Variants in BRINP3 observed in about 807,000 individuals in gnomAD.
BRINP3 encodes the protein BMP/retinoic acid inducible neural specific 3, also known as BMP/retinoic acid-inducible neural-specific protein 3.
In BRINP3, 19 loss-of-function variants were observed where a neutral mutation model predicts 71.0. That is an observed-to-expected ratio of 0.27 (90% CI 0.19 to 0.39). BRINP3 has a LOEUF of 0.39. Among genes scored for constraint, BRINP3 ranks in the 10% least tolerant of loss-of-function variants. The pLI is 1.00. For synonymous variants in BRINP3, 380 were observed against 337.7 expected (o/e 1.13, Z -1.37); for missense variants, 959 against 940.8 (o/e 1.02, Z -0.25).
chr1:190,421,692 C>A (rs1173095919), intron 2 of BRINP3, among the ~76,000 whole-genome samples: 1 of 151,782 alleles, frequency 6.6e-6, no homozygotes, highest in Non-Finnish European at 1.5e-5. Context: ...TGAATCCAGG[C>A]ACCACCACTC....
intron 3 of BRINP3, among the ~76,000 whole-genome samples, chr1:190,273,495 T>G (rs1662290676): frequency 6.6e-6 from 1 of 151,570 alleles, no homozygotes; most frequent in African/African-American, 2.4e-5. Context: ...AACTAAAATT[T>G]TGTGGTGGTT....
intron 6 of BRINP3, among the ~76,000 whole-genome samples, chr1:190,219,765 G>A (rs1017876949): frequency 9.9e-5 from 15 of 151,884 alleles, no homozygotes; most frequent in Non-Finnish European, 1.9e-4. Flanking sequence ...TTGAACCTGG[G>A]AGGTGGAGGT....
chr1:190,111,017 T>C (rs1652622081), intron 7 of BRINP3, among the ~76,000 whole-genome samples: 1 of 151,370 alleles, frequency 6.6e-6, no homozygotes, highest in South Asian at 2.1e-4. Context: ...CTACTAAAAA[T>C]ACAAAAAGAA....
intron 2 of BRINP3, among the ~76,000 whole-genome samples, chr1:190,299,838 G>C (rs1420589442): frequency 1.3e-5 from 2 of 151,856 alleles, no homozygotes; most frequent in Non-Finnish European, 2.9e-5. Flanking sequence ...ATGAAATTCT[G>C]GGTTGAAAAT....
chr1:190,282,998 G>A (rs187202609), intron 2 of BRINP3, among the ~76,000 whole-genome samples: 288 of 152,048 alleles, frequency 1.9e-3, no homozygotes, highest in African/African-American at 6.7e-3. Context: ...GCAGAATAAT[G>A]AGGAACAGTG....
intron 5 of BRINP3, among the ~76,000 whole-genome samples, chr1:190,228,217 T>TC (rs1406066460): frequency 6.6e-6 from 1 of 152,004 alleles, no homozygotes; most frequent in Admixed American, 6.6e-5. Context: ...CTAGTGATTT[T>TC]TTTTTTTCTG....
In BRINP3 at chr1:190,321,793, T is replaced by G. The variant is rs573098270; in HGVS notation, c.237-40043A>C. On this transcript the variant is annotated intron_variant, in intron 2 of 7. Transcript: ENST00000367462. ...TCTGAAGTTGATAGAACAGGTAATA[T>G]TTAAATATAGTTGGTTTTTACCTTG... Among the ~76,000 whole-genome samples, 2 of 152,060 alleles carry G rather than the reference T, an allele frequency of 1.3e-5. 1 individual carries two copies. Among genetic ancestry groups the G allele is most frequent in the Admixed American group, 1.3e-4 (2 of 15,222 alleles).
chr1:190,409,403 C>T (rs1350919995), intron 2 of BRINP3, among the ~76,000 whole-genome samples: 1 of 152,112 alleles, frequency 6.6e-6, no homozygotes, highest in Non-Finnish European at 1.5e-5. Flanking sequence ...AAAAAAGAAT[C>T]TCATTGTCTT....
chr1:190,426,674 T>C (rs995375222), intron 2 of BRINP3, among the ~76,000 whole-genome samples: 1 of 152,018 alleles, frequency 6.6e-6, no homozygotes, highest in Non-Finnish European at 1.5e-5. Flanking sequence ...ATTATTACAA[T>C]TTAAATATTT....
intron 5 of BRINP3, among the ~76,000 whole-genome samples, chr1:190,229,134 G>A (rs1235525386): frequency 6.6e-6 from 1 of 152,012 alleles, no homozygotes; most frequent in Non-Finnish European, 1.5e-5. Context: ...TAATCCTACA[G>A]GCAGAGTGAG....
intron 1 of BRINP3, among the ~76,000 whole-genome samples, chr1:190,462,498 G>T (rs745890055): frequency 1.4e-4 from 21 of 152,224 alleles, no homozygotes; most frequent in African/African-American, 4.8e-4. Flanking sequence ...GAATTGAATA[G>T]CCTGTTCCTC....
intron 2 of BRINP3, among the ~76,000 whole-genome samples, chr1:190,359,478 T>G (rs2102107956): frequency 6.6e-6 from 1 of 152,194 alleles, no homozygotes; most frequent in South Asian, 2.1e-4. Flanking sequence ...ACTTTGAGCC[T>G]CGCAGGGTAC....
intron 7 of BRINP3, among the ~76,000 whole-genome samples, chr1:190,158,074 T>C (rs1488601467): frequency 6.6e-6 from 1 of 152,114 alleles, no homozygotes; most frequent in Non-Finnish European, 1.5e-5. Context: ...TTGGCTGTGT[T>C]CCCACCCAAA....
chr1:190,425,056 C>A (rs1312702628), intron 2 of BRINP3, among the ~76,000 whole-genome samples: 1 of 151,550 alleles, frequency 6.6e-6, no homozygotes, highest in Non-Finnish European at 1.5e-5. Flanking sequence ...ACAAAGAGAA[C>A]TGACACTTCA....
chr1:190,456,018 G>A (rs1284923624), intron 1 of BRINP3, among the ~76,000 whole-genome samples: 1 of 152,112 alleles, frequency 6.6e-6, no homozygotes, highest in Non-Finnish European at 1.5e-5. Flanking sequence ...TCTGACTAAT[G>A]AGAAAGGTTT....
At chr1:190,258,222 C>A (rs977450450) in intron 4 of BRINP3, among the ~76,000 whole-genome samples, 1 of 152,174 alleles carries the variant, frequency 6.6e-6, no homozygotes, top group Non-Finnish European at 1.5e-5. Flanking sequence ...CAGGCTACTG[C>A]CTTGCAGGTC....
chr1:190,346,641 T>G (rs958005630), intron 2 of BRINP3, among the ~76,000 whole-genome samples: 4 of 152,096 alleles, frequency 2.6e-5, no homozygotes, highest in Non-Finnish European at 4.4e-5. Context: ...TAATACAAAG[T>G]GCTACCTTTC....
At chr1:190,381,998 T>C (rs1226083038) in intron 2 of BRINP3, among the ~76,000 whole-genome samples, 2 of 152,168 alleles carry the variant, frequency 1.3e-5, no homozygotes, top group Non-Finnish European at 2.9e-5. Context: ...AATATGTGCA[T>C]GTACGAAACA....
chr1:190,463,406 T>C (rs1206253994), intron 1 of BRINP3, among the ~76,000 whole-genome samples: 1 of 151,522 alleles, frequency 6.6e-6, no homozygotes, highest in African/African-American at 2.4e-5. Flanking sequence ...TTTTAAGTGA[T>C]AATAGCGTGA....
Sources: allele counts gnomAD v4.1 joint callset (sites outside exome capture counted in the v4.1 genomes callset), GRCh38; gene constraint gnomAD v4.1.1; transcripts MANE v1.5; gene names NCBI Gene and HGNC (gene_info 2026-07-23, HGNC 2026-07-21).